The following PPFIA2 variants were observed in gnomAD, a reference collection of about 807,000 sequenced individuals.
PPFIA2 encodes liprin-alpha-2.
PPFIA2 carries 46 observed loss-of-function variants against 175.5 expected under a neutral mutation model. The ratio of observed to expected loss-of-function variants is 0.26; its 90% CI spans 0.21 to 0.34. The LOEUF (loss-of-function observed/expected upper bound fraction) is 0.34. Ranked by LOEUF, PPFIA2 falls within the 10% of genes least tolerant of loss-of-function variation. PPFIA2 has a pLI of 1.00. For missense variants in PPFIA2, 1,179 were observed against 1,506.1 expected, an observed-to-expected ratio of 0.78 and a Z score of 3.60; for synonymous variants, 568 against 511.4, an observed-to-expected ratio of 1.11 and a Z score of -1.49.
rs1315394451 is a variant in PPFIA2 at position 81,369,542 on chromosome 12, G to T, written c.1267-348C>A. ...GATGGTTGATTATCAATAAATAAAA[G>T]TAACATAATTTTTATAAATGAAAAG... is the stretch of plus-strand genomic sequence containing the variant. On this transcript the variant is annotated intron_variant, in intron 11 of 32. Coordinates refer to ENST00000549396, the MANE Select transcript of PPFIA2 (RefSeq NM_003625.5). 9 of 702,332 alleles carry T rather than the reference G, an allele frequency of 1.3e-5. No individual in the cohort carries two copies. In the South Asian group the frequency reaches 1.3e-4, roughly 11 times the overall value. 43.5% of individuals were successfully genotyped at this position (702,332 alleles called of 1,614,324 possible).
chr12:81,341,515 C>T (rs1316074707), intron 19 of PPFIA2, among the ~76,000 whole-genome samples: 8 of 152,058 alleles, frequency 5.3e-5, no homozygotes, highest in South Asian at 2.1e-4. Flanking sequence ...TAGCCCAAGA[C>T]GGCTTTGAAT....
At chr12:81,483,101 C>A (rs559180281) in intron 4 of PPFIA2, among the ~76,000 whole-genome samples, 1 of 152,250 alleles carries the variant, frequency 6.6e-6, no homozygotes, top group African/African-American at 2.4e-5. Flanking sequence ...AGCAATTCAT[C>A]ATTGCTGGCA....
chr12:81,443,857 T>C (rs1593072669), intron 6 of PPFIA2, among the ~76,000 whole-genome samples: 1 of 132,426 alleles, frequency 7.6e-6, no homozygotes, highest in East Asian at 2.1e-4. Flanking sequence ...TTTTTTTTTT[T>C]TTTTTTTTTT....
chr12:81,449,725 G>T (rs970653903), intron 5 of PPFIA2, among the ~76,000 whole-genome samples: 1 of 151,784 alleles, frequency 6.6e-6, no homozygotes, highest in Non-Finnish European at 1.5e-5. Flanking sequence ...TGCCATGTTG[G>T]TGTGCTGCAC....
At chr12:81,471,357 T>A (rs1275660268) in intron 4 of PPFIA2, 2 of 151,616 alleles carry the variant, frequency 1.3e-5, no homozygotes, top group East Asian at 3.9e-4. Flanking sequence ...AAAAAAGAGA[T>A]CTCCCTATAT....
At chr12:81,701,915 T>TAAAAAAAA (rs748051152) in intron 3 of PPFIA2, among the ~76,000 whole-genome samples, 9 of 84,140 alleles carry the variant, frequency 1.1e-4, no homozygotes, top group Non-Finnish European at 1.5e-4. Flanking sequence ...ATGGGAAGAC[T>TAAAAAAAA]AAAAAAAAAA....
intron 4 of PPFIA2, among the ~76,000 whole-genome samples, chr12:81,599,361 A>T (rs1194132709): frequency 6.6e-6 from 1 of 152,048 alleles, no homozygotes; most frequent in Non-Finnish European, 1.5e-5. Flanking sequence ...CATGAAGTTT[A>T]TAACATCAAT....
chr12:81,652,580 C>T (rs11114963), intron 4 of PPFIA2, among the ~76,000 whole-genome samples: 6,697 of 152,024 alleles, frequency 0.044, 302 homozygotes, highest in East Asian at 0.24. Flanking sequence ...GAATGTGGTT[C>T]CCCACCTCCC....
At chr12:81,259,860 A>T in intron 32 of PPFIA2, 200 bp from the exon 33 acceptor site, 1 of 407,548 alleles carries the variant, frequency 2.5e-6, no homozygotes, top group Non-Finnish European at 4.4e-6. Context: ...GGGGAGCTTA[A>T]CAAATAATAG....
Position 81,484,610 on chromosome 12 carries a change from C to T in PPFIA2, c.304-26744G>A, listed in dbSNP as rs558468288. Among the ~76,000 whole-genome samples, 69 of 152,052 alleles carry T rather than the reference C, an allele frequency of 4.5e-4. 1 individual carries two copies. The highest frequency in any genetic ancestry group is 9.6e-4 in the African/African-American group (40 of 41,528). ...AATAGCACTATTCATTAGAGTACTA[C>T]GGAAATGAATTACCATTAATATTGA... On this transcript the variant is annotated intron_variant, in intron 4 of 32. Coordinates refer to ENST00000549396, the MANE Select transcript of PPFIA2 (RefSeq NM_003625.5).
Position 81,464,785 on chromosome 12 carries a change from G to A in PPFIA2, c.304-6919C>T, listed in dbSNP as rs114343424. Among the ~76,000 whole-genome samples the A allele has an allele frequency of 3.5e-3, 531 of 151,590 alleles. 2 individuals carry two copies. The highest frequency in any genetic ancestry group is 0.012 in the African/African-American group (510 of 41,336). Reference sequence around the variant, plus strand: ...ACCTGGTATATCACCATAGCCTATCGGGCTACCCATTCTCAGACAGACACA... The same window carrying A: ...ACCTGGTATATCACCATAGCCTATCAGGCTACCCATTCTCAGACAGACACA... On this transcript the variant is annotated intron_variant, in intron 4 of 32. Coordinates refer to ENST00000549396, the MANE Select transcript of PPFIA2 (RefSeq NM_003625.5).
chr12:81,392,943 G>A (rs1190454661), intron 8 of PPFIA2, among the ~76,000 whole-genome samples: 1 of 151,934 alleles, frequency 6.6e-6, no homozygotes, highest in Non-Finnish European at 1.5e-5. Flanking sequence ...CACAAAATAT[G>A]TGAATGTGAC....
chr12:81,596,143 C>T (rs554305209), intron 4 of PPFIA2, among the ~76,000 whole-genome samples: 3 of 151,812 alleles, frequency 2.0e-5, no homozygotes, highest in Non-Finnish European at 4.4e-5. Flanking sequence ...GTAAGAAAAT[C>T]ATTTAATTCT....
chr12:81,290,517 G>C (rs1294937105), intron 24 of PPFIA2, among the ~76,000 whole-genome samples: 1 of 151,670 alleles, frequency 6.6e-6, no homozygotes, highest in Non-Finnish European at 1.5e-5. Flanking sequence ...TCAGTATCTG[G>C]CAAGAGGTAC....
At chr12:81,581,727 AAAACGAAC>A (rs201455366) in intron 4 of PPFIA2, among the ~76,000 whole-genome samples, 1,648 of 26,574 alleles carry the variant, frequency 0.062, 33 homozygotes, top group East Asian at 0.25. Flanking sequence ...AAAACAAAAC[AAAACGAAC>A]AAACAAACAA....
chr12:81,694,296 C>A (rs1329504533), intron 3 of PPFIA2, among the ~76,000 whole-genome samples: 1 of 152,150 alleles, frequency 6.6e-6, no homozygotes, highest in Non-Finnish European at 1.5e-5. Context: ...ACATCCATCA[C>A]AGGCCTGGAG....
chr12:81,564,422 T>G (rs2070861979), intron 4 of PPFIA2, among the ~76,000 whole-genome samples: 1 of 152,178 alleles, frequency 6.6e-6, no homozygotes, highest in African/African-American at 2.4e-5. Context: ...GCTAGTGACC[T>G]TTCTACCAAA....
intron 4 of PPFIA2, among the ~76,000 whole-genome samples, chr12:81,559,613 C>T (rs192507638): frequency 5.3e-5 from 8 of 152,142 alleles, no homozygotes; most frequent in Admixed American, 3.3e-4. Context: ...TTAGAAACTC[C>T]GTTATAAACT....
At chr12:81,427,057 T>C (rs1489855251) in intron 7 of PPFIA2, among the ~76,000 whole-genome samples, 1 of 152,160 alleles carries the variant, frequency 6.6e-6, no homozygotes, top group African/African-American at 2.4e-5. Flanking sequence ...ATACATGCTT[T>C]ATTGATTTAC....
Sources: gnomAD v4.1 joint callset for allele counts (sites outside exome capture counted in the v4.1 genomes callset) on GRCh38, gnomAD v4.1.1 for gene constraint, MANE v1.5 for transcripts, NCBI Gene and HGNC (gene_info 2026-07-23, HGNC 2026-07-21) for gene names.